The following ATP8A2 variants were observed in gnomAD, a reference collection of about 807,000 sequenced individuals.
ATP8A2 encodes the protein phospholipid-transporting ATPase IB.
A neutral mutation model predicts 165.6 loss-of-function variants in ATP8A2; 100 were observed. That is an observed-to-expected ratio of 0.60 (90% CI 0.51 to 0.71). The LOEUF (loss-of-function observed/expected upper bound fraction) is 0.71. Ranked by LOEUF, ATP8A2 falls within the 30% of genes least tolerant of loss-of-function variation. The pLI, the probability that ATP8A2 is intolerant of heterozygous loss-of-function variation, is 0.00. For synonymous variants in ATP8A2, 543 were observed against 548.8 expected (o/e 0.99, Z 0.15); for missense variants, 1,227 against 1,479.5 (o/e 0.83, Z 2.80).
chr13:25,408,733 A>G (rs1323304435), intron 1 of ATP8A2, among the ~76,000 whole-genome samples: 1 of 151,850 alleles, frequency 6.6e-6, no homozygotes, highest in Non-Finnish European at 1.5e-5. Context: ...ATAGTTAGAG[A>G]CTCCTCAGAT....
chr13:25,823,694 A>G (rs1566175191), intron 27 of ATP8A2, among the ~76,000 whole-genome samples: 1 of 152,148 alleles, frequency 6.6e-6, no homozygotes, highest in Non-Finnish European at 1.5e-5. Flanking sequence ...CTTAAAACTC[A>G]TTAATTTCTA....
intron 33 of ATP8A2, among the ~76,000 whole-genome samples, chr13:25,874,862 A>C (rs1952783608): frequency 6.6e-6 from 1 of 151,706 alleles, no homozygotes; most frequent in African/African-American, 2.4e-5. Flanking sequence ...ATATATACAC[A>C]CAATGGGATG....
At chr13:25,598,937 T>C (rs2040307864) in intron 24 of ATP8A2, among the ~76,000 whole-genome samples, 1 of 152,194 alleles carries the variant, frequency 6.6e-6, no homozygotes, top group African/African-American at 2.4e-5. Flanking sequence ...TTATAACCTG[T>C]TGGTGCTGCT....
At chr13:25,691,798 C>T (rs1233033974) in intron 24 of ATP8A2, among the ~76,000 whole-genome samples, 1 of 152,192 alleles carries the variant, frequency 6.6e-6, no homozygotes, top group Middle Eastern at 3.2e-3. Flanking sequence ...CTTTACTTGC[C>T]ACCAGCAGCT....
In ATP8A2 at chr13:25,390,919, C is replaced by T. The variant is rs180903461; in HGVS notation, c.76+18631C>T. ...CAGCCTGGGCAACAGAGCAAGACTC[C>T]GTCTCAAAAAAAAAAAAAAAATTCA... On this transcript the variant is annotated intron_variant, in intron 1 of 36. Transcript: ENST00000381655. Among the ~76,000 whole-genome samples, 343 of 144,400 alleles carry T rather than the reference C, an allele frequency of 2.4e-3. 7 individuals carry two copies. The East Asian group carries it at 0.055, about 23-fold the overall frequency. 94.7% of individuals were successfully genotyped at this position (144,400 alleles called of 152,430 possible).
rs754652974 is a variant in ATP8A2 at position 25,699,127 on chromosome 13, AT to A, written c.2212-44del. 7 of 1,421,052 alleles carry A rather than the reference AT, an allele frequency of 4.9e-6. No homozygotes were observed. The South Asian group carries it at 1.1e-4, about 23-fold the overall frequency. The allele number at this position is 1,421,052 out of a possible 1,614,324, so 88.0% of individuals were successfully genotyped here. A position where few individuals can be genotyped will look rare whatever the true frequency, so the allele number is the denominator to read the frequency against. On this transcript the variant is annotated intron_variant, in intron 24 of 36. Coordinates refer to ENST00000381655, the MANE Select transcript of ATP8A2 (RefSeq NM_016529.6). ...TTTTGAATTCTATTTTGTTTTTGAT[AT>A]TAAACACACAAAAAATGTGATTTTC...
At chr13:25,537,929 C>A in intron 6 of ATP8A2, 59 bp from the exon 7 acceptor site, 1 of 1,203,506 alleles carries the variant, frequency 8.3e-7, no homozygotes. Context: ...ACCTTTTTCA[C>A]CATGTGTGTT....
chr13:25,555,483 A>G (rs1384564127), intron 13 of ATP8A2, among the ~76,000 whole-genome samples: 1 of 152,156 alleles, frequency 6.6e-6, no homozygotes, highest in Non-Finnish European at 1.5e-5. Context: ...TTGTCTCTGG[A>G]ATATTCTAGG....
At chr13:25,810,594 T>G (rs1950844878) in intron 27 of ATP8A2, among the ~76,000 whole-genome samples, 1 of 152,046 alleles carries the variant, frequency 6.6e-6, no homozygotes, top group South Asian at 2.1e-4. Flanking sequence ...TAAAAATAAA[T>G]TGAATTAATT....
intron 2 of ATP8A2, among the ~76,000 whole-genome samples, chr13:25,516,713 A>T (rs1442372763): frequency 1.3e-5 from 2 of 150,296 alleles, no homozygotes; most frequent in Non-Finnish European, 3.0e-5. Context: ...AATAAATCTC[A>T]TAACTCTTTT....
chr13:25,559,277 A>T (rs1368517857), intron 14 of ATP8A2, among the ~76,000 whole-genome samples: 2 of 152,238 alleles, frequency 1.3e-5, no homozygotes, highest in Non-Finnish European at 2.9e-5. Context: ...TCACACCTGT[A>T]ATCCCAGCAC....
intron 28 of ATP8A2, among the ~76,000 whole-genome samples, chr13:25,834,525 A>T (rs1951556252): frequency 6.6e-6 from 1 of 151,998 alleles, no homozygotes; most frequent in Admixed American, 6.6e-5. Context: ...GTGAATGGCT[A>T]AAAAAAATGG....
At chr13:25,956,466 T>G (rs1270349216) in intron 33 of ATP8A2, among the ~76,000 whole-genome samples, 1 of 152,160 alleles carries the variant, frequency 6.6e-6, no homozygotes, top group Non-Finnish European at 1.5e-5. Context: ...AGCATTCCTA[T>G]ACACCCATAA....
intron 33 of ATP8A2, among the ~76,000 whole-genome samples, chr13:25,869,276 T>C (rs565979076): frequency 6.6e-6 from 1 of 151,820 alleles, no homozygotes; most frequent in Non-Finnish European, 1.5e-5. Flanking sequence ...GTTTTTGTTT[T>C]TCTCCTCCTG....
intron 24 of ATP8A2, among the ~76,000 whole-genome samples, chr13:25,597,829 A>C (rs1379393229): frequency 6.6e-6 from 1 of 151,844 alleles, no homozygotes; most frequent in East Asian, 1.9e-4. Flanking sequence ...AGCAGTATAA[A>C]CACCTTTTGA....
intron 25 of ATP8A2, among the ~76,000 whole-genome samples, chr13:25,729,720 A>G (rs2043575420): frequency 6.7e-6 from 1 of 148,718 alleles, no homozygotes; most frequent in Non-Finnish European, 1.5e-5. Flanking sequence ...TGTTAAACTG[A>G]AAAAAAAAAG....
At chr13:25,526,921 A>G (rs1323700151) in intron 2 of ATP8A2, among the ~76,000 whole-genome samples, 4 of 152,048 alleles carry the variant, frequency 2.6e-5, no homozygotes, top group African/African-American at 9.7e-5. Flanking sequence ...TCCTTTTTCC[A>G]GTGTTAAACT....
At chr13:25,515,493 C>G (rs955376321) in intron 2 of ATP8A2, among the ~76,000 whole-genome samples, 3 of 152,268 alleles carry the variant, frequency 2.0e-5, no homozygotes, top group Non-Finnish European at 4.4e-5. Context: ...GTGGGCTTCT[C>G]TCTCCCTGCA....
At chr13:25,767,909 T>C (rs1344074118) in intron 25 of ATP8A2, among the ~76,000 whole-genome samples, 1 of 152,146 alleles carries the variant, frequency 6.6e-6, no homozygotes, top group Non-Finnish European at 1.5e-5. Flanking sequence ...GGAACAGGTA[T>C]CTTTGTGGGT....
Sources: gnomAD v4.1 joint callset for allele counts (sites outside exome capture counted in the v4.1 genomes callset) on GRCh38, gnomAD v4.1.1 for gene constraint, MANE v1.5 for transcripts, NCBI Gene and HGNC (gene_info 2026-07-23, HGNC 2026-07-21) for gene names.